MAN2A2: variants seen among roughly 807,000 people sequenced by gnomAD.
The protein encoded by MAN2A2 is alpha-mannosidase 2x.
MAN2A2 carries 79 observed loss-of-function variants against 126.8 expected under a neutral mutation model. The observed-to-expected ratio is 0.62, with a 90% CI of 0.52 to 0.75. The LOEUF is 0.75. MAN2A2 is among the 30% of genes least tolerant of loss of function. The pLI is 0.00. For synonymous variants in MAN2A2, 671 were observed against 618.7 expected (o/e 1.08, Z -1.25); for missense variants, 1,392 against 1,522.4 (o/e 0.91, Z 1.43).
At chr15:90,916,395 G>A in intron 20 of MAN2A2, 139 bp downstream of exon 20, 1 of 1,257,202 alleles carries the variant, frequency 8.0e-7, no homozygotes, top group East Asian at 2.4e-5. Flanking sequence ...TGGGGTGGGG[G>A]GAGGCAGTCT....
chr15:90,918,541 C>T, intron 21 of MAN2A2, 104 bp from the exon 22 acceptor site: 1 of 1,197,610 alleles, frequency 8.3e-7, no homozygotes, highest in Non-Finnish European at 1.2e-6. Flanking sequence ...TTTCCTTACC[C>T]ACACGCCTCC....
Position 90,905,843 on chromosome 15 carries a change from A to T in MAN2A2, c.536-2A>T. On this transcript the variant is annotated splice_acceptor_variant, in intron 4 of 22. Transcript: ENST00000559717. LOFTEE classifies it high-confidence loss of function. ...TCAGGGGACCCTACATTGGCTCCCT[A>T]GGCTGGATCAAGACCTTTGACAAGT... 1 of 1,573,372 alleles carries T rather than the reference A, an allele frequency of 6.4e-7. No homozygotes were observed. Among genetic ancestry groups the T allele is most frequent in the Non-Finnish European group, 8.6e-7 (1 of 1,159,038 alleles).
intron 2 of MAN2A2, among the ~76,000 whole-genome samples, 197 bp downstream of exon 2, chr15:90,904,536 G>A (rs192590251): frequency 6.6e-6 from 1 of 150,886 alleles, no homozygotes; most frequent in African/African-American, 2.4e-5. Context: ...AAGGAAGGAA[G>A]AAAAAATGTC....
In MAN2A2 at chr15:90,905,627, G is replaced by A; in HGVS notation, c.439G>A (p.Val147Met). Residue 147 changes from valine (V) to methionine (M), a missense_variant, in exon 4 of 23, where the codon GTG becomes ATG. Val to Met is a conservative substitution (Grantham distance 21, BLOSUM62 1). Transcript: ENST00000559717. ...ELPFDNVDGG[V>M]WRQGFDISYD... ...GCCGTTTGACAACGTGGATGGTGGT[G>A]TGTGGAGGCAAGGCTTCGACATCTC... is the stretch of plus-strand genomic sequence containing the variant. 6.2e-7 allele frequency: 1 copy of A among 1,614,222 alleles called. No homozygotes were observed. Among genetic ancestry groups the A allele is most frequent in the Non-Finnish European group, 8.5e-7 (1 of 1,180,038 alleles).
rs532667606 is a variant in MAN2A2 at position 90,905,276 on chromosome 15, G to A, written c.158G>A (p.Arg53His). The change falls in exon 3 of 23, where the codon CGC (arginine) becomes CAC (histidine). Residue 53 changes from arginine (R) to histidine (H), a missense_variant. Coordinates refer to ENST00000559717, the MANE Select transcript of MAN2A2 (RefSeq NM_006122.4). ...PRSQISVLQNRIEQLEQLLEE... is the reference protein window; with the variant it reads ...PRSQISVLQNHIEQLEQLLEE... ...AGCCAAATTTCTGTGCTGCAGAACC[G>A]CATTGAGCAGCTGGAGCAGCTTTTG... is the stretch of plus-strand genomic sequence containing the variant. 3.4e-5 allele frequency: 55 copies of A among 1,613,270 alleles called. No homozygotes were observed. The highest frequency in any genetic ancestry group is 4.2e-5 in the Non-Finnish European group (50 of 1,180,026).
intron 10 of MAN2A2, 37 bp downstream of exon 10, chr15:90,910,329 G>A: frequency 6.2e-7 from 1 of 1,609,390 alleles, no homozygotes; most frequent in Non-Finnish European, 8.5e-7. Context: ...TGGAGGGGGA[G>A]AGTCAGCCTT....
At chr15:90,903,720 C>T (rs1189805115) in intron 1 of MAN2A2, 1 of 247,110 alleles carries the variant, frequency 4.0e-6, no homozygotes, top group African/African-American at 2.2e-5. Context: ...AGGATCGTGC[C>T]AGGCACTGTT....
intron 20 of MAN2A2, 60 bp downstream of exon 20, chr15:90,916,316 G>A (rs1429357280): frequency 3.2e-6 from 5 of 1,583,028 alleles, no homozygotes; most frequent in Non-Finnish European, 3.4e-6. Flanking sequence ...GGGTGGCCGG[G>A]GGGTCCAGCC....
Position 90,918,674 on chromosome 15 carries a change from A to G in MAN2A2, c.3219A>G (p.Ala1073=), listed in dbSNP as rs367550115. ...ACACCCTACCCTCGGCGGAGACCGC[A>G]CTCATCTTACACCGCAAGGGTTTTG... is the stretch of plus-strand genomic sequence containing the variant. ...EEDTLPSAET[A]LILHRKGFDC... Residue 1073 remains alanine, a synonymous_variant, in exon 22 of 23, where the codon GCA becomes GCG. Coordinates refer to ENST00000559717, the MANE Select transcript of MAN2A2 (RefSeq NM_006122.4). 10 of 1,521,072 alleles carry G rather than the reference A, an allele frequency of 6.6e-6. No individual in the cohort carries two copies. In the African/African-American group the frequency reaches 1.4e-4, roughly 21 times the overall value. The allele number at this position is 1,521,072 out of a possible 1,614,324, so 94.2% of individuals were successfully genotyped here. A position where few individuals can be genotyped will look rare whatever the true frequency, so the allele number is the denominator to read the frequency against.
chr15:90,912,451 G>A (rs1191395714), intron 15 of MAN2A2, 91 bp from the exon 16 acceptor site: 22 of 1,593,692 alleles, frequency 1.4e-5, no homozygotes, highest in African/African-American at 8.1e-5. Flanking sequence ...AGCAGGGCAC[G>A]GCTCCTTGGG....
At chr15:90,909,002 G>A (rs1000958455) in intron 8 of MAN2A2, among the ~76,000 whole-genome samples, 1 of 152,210 alleles carries the variant, frequency 6.6e-6, no homozygotes, top group Non-Finnish European at 1.5e-5. Context: ...TGTGGAGCTG[G>A]TGTGATATGG....
At chr15:90,908,993 G>A (rs143360824) in intron 8 of MAN2A2, among the ~76,000 whole-genome samples, 192 of 152,308 alleles carry the variant, frequency 1.3e-3, no homozygotes, top group Non-Finnish European at 2.3e-3. Context: ...GCTAGTACTT[G>A]TGGAGCTGGT....
chr15:90,905,254 C>CAAAAAA lies in MAN2A2; in HGVS notation c.139_140insAAAAAA (p.Gln46_Ile47insLysLys). 6.2e-7 allele frequency: 1 copy of CAAAAAA among 1,611,706 alleles called. No homozygotes were observed. Among genetic ancestry groups the CAAAAAA allele is most frequent in the Non-Finnish European group, 8.5e-7 (1 of 1,179,838 alleles). On this transcript the variant is annotated inframe_insertion, in exon 3 of 23. Transcript: ENST00000559717. ...TTGCTTTCTGGTTTTTTGGCAGAGCCAAATTTCTGTGCTGCAGAACCGCAT... is the reference window on the plus strand; with the variant it reads ...TTGCTTTCTGGTTTTTTGGCAGAGCCAAAAAAAAATTTCTGTGCTGCAGAACCGCAT...
At position 90,911,169 on chromosome 15, in the gene MAN2A2, A is replaced by G; in HGVS notation, c.1876-2A>G. 6.2e-7 allele frequency: 1 copy of G among 1,613,950 alleles called. No homozygotes were observed. Among genetic ancestry groups the G allele is most frequent in the Non-Finnish European group, 8.5e-7 (1 of 1,179,952 alleles). ...CTTCCCTTCCGGCTCACTGAATTCC[A>G]GGATGACACTCGCTTAAGTCACGAC... On this transcript the variant is annotated splice_acceptor_variant, in intron 12 of 22. Coordinates refer to ENST00000559717, the MANE Select transcript of MAN2A2 (RefSeq NM_006122.4). LOFTEE classifies it high-confidence loss of function.
At chr15:90,918,147 T>C in intron 20 of MAN2A2, 47 bp from the exon 21 acceptor site, 1 of 1,567,180 alleles carries the variant, frequency 6.4e-7, no homozygotes, top group South Asian at 1.2e-5. Flanking sequence ...TCCTCTCCCC[T>C]CAGCCTGGCT....
At position 90,911,443 on chromosome 15, in the gene MAN2A2, G is replaced by T; in HGVS notation, c.2002G>T (p.Val668Phe). ...GCGATTCAGCATGGTGTCCCTGCTG[G>T]TCAACTCTCCCCGCGTGCGTGTCCT... is the stretch of plus-strand genomic sequence containing the variant. ...QERFSMVSLL[V>F]NSPRVRVLSE... The change falls in exon 14 of 23, where the codon GTC becomes TTC. Residue 668 changes from valine to phenylalanine, a missense_variant. Transcript: ENST00000559717. 6.2e-7 allele frequency: 1 copy of T among 1,614,234 alleles called. No individual in the cohort carries two copies. The highest frequency in any genetic ancestry group is 8.5e-7 in the Non-Finnish European group (1 of 1,180,044).
rs2034894850 is a variant in MAN2A2 at position 90,913,124 on chromosome 15, G to A, written c.2584+133G>A. 9 of 1,205,734 alleles carry A rather than the reference G, an allele frequency of 7.5e-6. No homozygotes were observed. The Admixed American group carries it at 1.1e-4, about 15-fold the overall frequency. The allele number at this position is 1,205,734 out of a possible 1,614,324, so 74.7% of individuals were successfully genotyped here. ...TGAGACAGGGATGCTCCATTCTCTTGGAGAAAAAGTCATCCAGAAATGCCC... is the reference window on the plus strand; with the variant it reads ...TGAGACAGGGATGCTCCATTCTCTTAGAGAAAAAGTCATCCAGAAATGCCC... On this transcript the variant is annotated intron_variant, in intron 17 of 22. Coordinates refer to ENST00000559717, the MANE Select transcript of MAN2A2 (RefSeq NM_006122.4).
At position 90,912,236 on chromosome 15, in the gene MAN2A2, G is replaced by A. The variant is rs200668237; in HGVS notation, c.2303G>A (p.Arg768His). Residue 768 changes from arginine (R) to histidine (H), a missense_variant, in exon 15 of 23, where the codon CGC (arginine) becomes CAC (histidine). Arg to His is a conservative substitution (Grantham distance 29). Transcript: ENST00000559717. The stretch of plus-strand genomic sequence containing the variant: ...ACCAGCGACTTCGCCCTCAGCAACC[G>A]CTACATGCAGGTCTGGTTCTCAGGC... Reference protein sequence around the residue: ...SGTSDFALSNRYMQVWFSGLT... With the variant: ...SGTSDFALSNHYMQVWFSGLT... The A allele has an allele frequency of 1.1e-4, 173 of 1,614,098 alleles. No individual in the cohort carries two copies. The highest frequency in any genetic ancestry group is 1.4e-4 in the Non-Finnish European group (161 of 1,180,048).
rs1267776498 is a variant in MAN2A2 at position 90,919,665 on chromosome 15, G to A, written c.3331G>A (p.Asp1111Asn). Residue 1111 changes from aspartate to asparagine, a missense_variant, in exon 23 of 23, where the codon GAT (aspartate) becomes AAT (asparagine). By Grantham distance (23) the Asp-to-Asn change is conservative (BLOSUM62 1). Coordinates refer to ENST00000559717, the MANE Select transcript of MAN2A2 (RefSeq NM_006122.4). ...CCTGGGCAGCCTTTTCCATGGCCTG[G>A]ATGTGGTATTCCTTCAGCCAACCTC... ...VALGSLFHGLDVVFLQPTSLT... is the reference protein window; with the variant it reads ...VALGSLFHGLNVVFLQPTSLT... 1 of 1,614,062 alleles carries A rather than the reference G, an allele frequency of 6.2e-7. No homozygotes were observed. The highest frequency in any genetic ancestry group is 8.5e-7 in the Non-Finnish European group (1 of 1,180,046).
Sources: gnomAD v4.1 joint callset for allele counts (sites outside exome capture counted in the v4.1 genomes callset) on GRCh38, gnomAD v4.1.1 for gene constraint, MANE v1.5 for transcripts, NCBI Gene and HGNC (gene_info 2026-07-23, HGNC 2026-07-21) for gene names.